CCDC3: variants seen among roughly 807,000 people sequenced by gnomAD.
CCDC3 encodes the protein coiled-coil domain containing 3.
Under a neutral mutation model 21.4 loss-of-function variants are expected in CCDC3, and 24 were observed. That is an observed-to-expected ratio of 1.12 (90% CI 0.81 to 1.58). The LOEUF is 1.58. CCDC3 is among the 40% of genes most tolerant of loss of function. The probability of loss-of-function intolerance (pLI) is 0.00; values close to 1 mark genes in which losing one functional copy is unlikely to be tolerated. For missense variants in CCDC3, 425 were observed against 360.9 expected (o/e 1.18, Z -1.44); for synonymous variants, 186 against 166.0 (o/e 1.12, Z -0.93).
intron 2 of CCDC3, among the ~76,000 whole-genome samples, chr10:12,968,934 A>C (rs1461845325): frequency 3.9e-5 from 6 of 152,192 alleles, no homozygotes; most frequent in Non-Finnish European, 8.8e-5. Context: ...ACAGCAAGAG[A>C]GGAAGAAAGG....
chr10:12,945,342 G>A (rs1589016664), intron 2 of CCDC3, among the ~76,000 whole-genome samples: 1 of 151,852 alleles, frequency 6.6e-6, no homozygotes, highest in Non-Finnish European at 1.5e-5. Context: ...AATGTGTTTT[G>A]TTAAAGGCAA....
At chr10:12,899,971 T>C (rs1470116522) in intron 2 of CCDC3, among the ~76,000 whole-genome samples, 1 of 152,184 alleles carries the variant, frequency 6.6e-6, no homozygotes, top group Non-Finnish European at 1.5e-5. Context: ...AGTAATGAAA[T>C]CATGAAGGTG....
At chr10:12,994,264 G>A (rs1324649603) in intron 2 of CCDC3, among the ~76,000 whole-genome samples, 1 of 152,078 alleles carries the variant, frequency 6.6e-6, no homozygotes, top group African/African-American at 2.4e-5. Context: ...TGGGCATGGT[G>A]GTGGGTGCCT....
chr10:12,908,059 C>G (rs1834202536), intron 2 of CCDC3, among the ~76,000 whole-genome samples: 1 of 152,176 alleles, frequency 6.6e-6, no homozygotes, highest in Non-Finnish European at 1.5e-5. Flanking sequence ...AAACATTGAG[C>G]TGTCTTGGGT....
upstream of CCDC3, among the ~76,000 whole-genome samples, chr10:13,004,177 T>G (rs996356410): frequency 2.0e-5 from 3 of 152,196 alleles, no homozygotes; most frequent in Admixed American, 6.5e-5. Flanking sequence ...GTACCGTATA[T>G]GTATGTTCTG....
At chr10:12,996,442 T>C (rs1369509666) in intron 2 of CCDC3, among the ~76,000 whole-genome samples, 2 of 152,114 alleles carry the variant, frequency 1.3e-5, no homozygotes, top group African/African-American at 4.8e-5. Flanking sequence ...TTCAAGCGAT[T>C]TTCCTGCCTC....
intron 2 of CCDC3, among the ~76,000 whole-genome samples, chr10:12,980,134 A>G (rs1310217852): frequency 6.6e-6 from 1 of 152,190 alleles, no homozygotes; most frequent in Non-Finnish European, 1.5e-5. Context: ...GCCCCTGCAA[A>G]GCAAACAGAC....
At chr10:13,025,205 C>G (rs1384815084) in intron 5 of CCDC3, among the ~76,000 whole-genome samples, 1 of 152,166 alleles carries the variant, frequency 6.6e-6, no homozygotes, top group African/African-American at 2.4e-5. Flanking sequence ...GTACTGGATG[C>G]TGGTTGGAGG....
chr10:13,052,706 G>A (rs1313317428), intron 4 of CCDC3, among the ~76,000 whole-genome samples: 1 of 152,106 alleles, frequency 6.6e-6, no homozygotes, highest in Non-Finnish European at 1.5e-5. Context: ...TTGGGAGGCT[G>A]AGGCAGGCGG....
chr10:13,048,383 G>A (rs1046303221), intron 5 of CCDC3, among the ~76,000 whole-genome samples: 24 of 151,898 alleles, frequency 1.6e-4, no homozygotes, highest in Non-Finnish European at 2.6e-4. Context: ...TACTAGAGAC[G>A]GGGTTTCACC....
intron 3 of CCDC3, among the ~76,000 whole-genome samples, chr10:13,078,072 A>G (rs566442021): frequency 1.3e-5 from 2 of 152,254 alleles, no homozygotes; most frequent in Non-Finnish European, 2.9e-5. Context: ...GTGAACAGGC[A>G]ACCTACAGAA....
Position 12,984,587 on chromosome 10 carries a change from T to TCCGTA in CCDC3, c.549+13746_549+13750dup, listed in dbSNP as rs1835558916. ...CACCCATGAAAAATGAAAGCTTATA[T>TCCGTA]CCGTACAAAAACCTGTTCATAGCAG... On this transcript the variant is annotated intron_variant, in intron 2 of 2. Coordinates refer to ENST00000378825, the MANE Select transcript of CCDC3 (RefSeq NM_031455.4). Among the ~76,000 whole-genome samples, 3 of 152,150 alleles carry TCCGTA rather than the reference T, an allele frequency of 2.0e-5. No individual in the cohort carries two copies. In the South Asian group the frequency reaches 6.2e-4, roughly 32 times the overall value.
At chr10:12,969,075 T>C (rs555140812) in intron 2 of CCDC3, among the ~76,000 whole-genome samples, 1 of 152,284 alleles carries the variant, frequency 6.6e-6, no homozygotes, top group East Asian at 1.9e-4. Context: ...AAGAAGTTAA[T>C]ATTCAAAACA....
intron 5 of CCDC3, among the ~76,000 whole-genome samples, chr10:13,024,775 G>A (rs1436370266): frequency 6.6e-6 from 1 of 152,090 alleles, no homozygotes; most frequent in African/African-American, 2.4e-5. Flanking sequence ...CCTTAGCCAG[G>A]TCCACAAGTT....
intron 2 of CCDC3, among the ~76,000 whole-genome samples, chr10:12,914,240 A>T (rs1193235105): frequency 1.3e-5 from 2 of 152,178 alleles, no homozygotes; most frequent in Non-Finnish European, 2.9e-5. Context: ...TTTTACTGCC[A>T]ATTCAATCTT....
At chr10:12,969,605 G>A (rs1041915076) in intron 2 of CCDC3, among the ~76,000 whole-genome samples, 13 of 151,170 alleles carry the variant, frequency 8.6e-5, no homozygotes, top group African/African-American at 3.1e-4. Context: ...AGTGTTTATT[G>A]ACAGATGAAT....
At chr10:12,996,919 G>A (rs1490173632) in intron 2 of CCDC3, among the ~76,000 whole-genome samples, 1 of 152,068 alleles carries the variant, frequency 6.6e-6, no homozygotes, top group Non-Finnish European at 1.5e-5. Flanking sequence ...TAGACACGGG[G>A]GCCTACGTGA....
intron 5 of CCDC3, among the ~76,000 whole-genome samples, chr10:13,007,109 G>C (rs1305622746): frequency 6.6e-6 from 1 of 152,110 alleles, no homozygotes; most frequent in Non-Finnish European, 1.5e-5. Flanking sequence ...AACTTTTCTA[G>C]AAAGAGGAGA....
chr10:12,914,361 C>A (rs1463941104), intron 2 of CCDC3, among the ~76,000 whole-genome samples: 2 of 152,092 alleles, frequency 1.3e-5, no homozygotes, highest in Non-Finnish European at 2.9e-5. Flanking sequence ...AATTTGTTGG[C>A]ATATGATTGT....
Sources: gnomAD v4.1 joint callset for allele counts (sites outside exome capture counted in the v4.1 genomes callset) on GRCh38, gnomAD v4.1.1 for gene constraint, MANE v1.5 for transcripts, NCBI Gene and HGNC (gene_info 2026-07-23, HGNC 2026-07-21) for gene names.